The following PCNX4 variants were observed in gnomAD, a reference collection of about 807,000 sequenced individuals.
The protein encoded by PCNX4 is pecanex-like protein 4.
A neutral mutation model predicts 107.2 loss-of-function variants in PCNX4; 103 were observed. The observed-to-expected ratio is 0.96, with a 90% CI of 0.82 to 1.13. The LOEUF is 1.13. PCNX4 is among the 50% of genes most tolerant of loss of function. PCNX4 has a pLI of 0.00. For synonymous variants in PCNX4, 541 were observed against 481.7 expected, an observed-to-expected ratio of 1.12 and a Z score of -1.61; for missense variants, 1,528 against 1,379.4, an observed-to-expected ratio of 1.11 and a Z score of -1.71.
At chr14:60,096,226 T>C (rs1354991362) in intron 1 of PCNX4, among the ~76,000 whole-genome samples, 1 of 152,234 alleles carries the variant, frequency 6.6e-6, no homozygotes, top group Non-Finnish European at 1.5e-5. Flanking sequence ...TCCATTTTTA[T>C]GATGGTGCAG....
At chr14:60,093,734 A>G (rs981583347) in intron 1 of PCNX4, among the ~76,000 whole-genome samples, 5 of 152,142 alleles carry the variant, frequency 3.3e-5, no homozygotes, top group Non-Finnish European at 7.3e-5. Context: ...GTTATATGGT[A>G]ACTCTATGTT....
chr14:60,109,658 C>T (rs962103502), intron 2 of PCNX4: 1 of 165,122 alleles, frequency 6.1e-6, no homozygotes. Flanking sequence ...CCAGGCTGGT[C>T]CCAAAGTCCT....
Position 60,134,385 on chromosome 14 carries a change from C to A in PCNX4, c.*164C>A. On this transcript the variant is annotated 3_prime_UTR_variant, in exon 11 of 11. Coordinates refer to ENST00000406854, the MANE Select transcript of PCNX4 (RefSeq NM_001330177.2). ...GGTTCTCTTAGCCATCTTAATGGTT[C>A]TAAAAAACAGCAAAAACATCTTTAT... is the stretch of plus-strand genomic sequence containing the variant. 1 of 812,512 alleles carries A rather than the reference C, an allele frequency of 1.2e-6. No individual in the cohort carries two copies. Among genetic ancestry groups the A allele is most frequent in the Non-Finnish European group, 1.9e-6 (1 of 530,536 alleles). 50.3% of individuals were successfully genotyped at this position (812,512 alleles called of 1,614,324 possible).
At chr14:60,112,167 AAGAC>A (rs147525535) in intron 2 of PCNX4, among the ~76,000 whole-genome samples, 3,870 of 152,302 alleles carry the variant, frequency 0.025, 118 homozygotes, top group African/African-American at 0.08. Context: ...ATTTTTATCA[AAGAC>A]AGACATTAAA....
rs1896030059 is a variant in PCNX4, at chr14:60,125,139, C to G, written c.2968C>G (p.Pro990Ala). The G allele has an allele frequency of 6.2e-7, 1 of 1,612,732 alleles. No homozygotes were observed. Among genetic ancestry groups the G allele is most frequent in the African/African-American group, 1.3e-5 (1 of 74,874 alleles). The part of the protein sequence containing the change: ...FSLFGIDNMA[P>A]SPGHILRVYG... ...TTTATTTGGAATAGACAATATGGCT[C>G]CTAGTCCTGGTCATATATTGAGAGT... Residue 990 changes from proline to alanine, a missense_variant, in exon 9 of 11, where the codon CCT becomes GCT. Physicochemically the swap from Pro to Ala is conservative, Grantham distance 27 (BLOSUM62 -1). Coordinates refer to ENST00000406854, the MANE Select transcript of PCNX4 (RefSeq NM_001330177.2).
intron 1 of PCNX4, among the ~76,000 whole-genome samples, chr14:60,098,506 C>G (rs1895469174): frequency 1.3e-5 from 2 of 152,286 alleles, no homozygotes; most frequent in South Asian, 4.1e-4. Context: ...TTTTATAGAT[C>G]CAAAGAGATG....
chr14:60,108,793 TGTTAC>T (rs1895680957), intron 2 of PCNX4: 1 of 158,770 alleles, frequency 6.3e-6, no homozygotes, highest in Non-Finnish European at 1.5e-5. Flanking sequence ...AAAACCAACT[TGTTAC>T]AGAAGAAAAG....
intron 1 of PCNX4, among the ~76,000 whole-genome samples, chr14:60,104,724 G>A (rs1895598727): frequency 1.3e-5 from 2 of 152,096 alleles, no homozygotes; most frequent in Admixed American, 1.3e-4. Flanking sequence ...ATCAGGTCTC[G>A]TGAGACTTAT....
In PCNX4 at chr14:60,143,891, G is replaced by A. The variant is rs1369899611; in HGVS notation, c.*9670G>A. The A allele has an allele frequency of 1.3e-5, 2 of 152,198 alleles. No individual in the cohort carries two copies. The highest frequency in any genetic ancestry group is 4.8e-5 in the African/African-American group (2 of 41,448). 9.4% of individuals were successfully genotyped at this position (152,198 alleles called of 1,614,324 possible). A position where few individuals can be genotyped will look rare whatever the true frequency, so the allele number is the denominator to read the frequency against. On this transcript the variant is annotated 3_prime_UTR_variant, in exon 11 of 11. Coordinates refer to ENST00000406854, the MANE Select transcript of PCNX4 (RefSeq NM_001330177.2). ...TGCCTGTGCATGTTTTCTGCTGTAA[G>A]GTGTTAAATGTTAAAGTAAAATTAA...
intron 7 of PCNX4, 34 bp from the exon 8 acceptor site, chr14:60,121,162 T>A: frequency 2.5e-6 from 1 of 396,520 alleles, no homozygotes; most frequent in Non-Finnish European, 3.9e-6. Flanking sequence ...AATGATTTTC[T>A]TTTTTTTTTT....
At chr14:60,126,413 C>T (rs1384064337) in intron 10 of PCNX4, among the ~76,000 whole-genome samples, 1 of 152,170 alleles carries the variant, frequency 6.6e-6, no homozygotes, top group African/African-American at 2.4e-5. Context: ...CAAATGCACT[C>T]CCTAGTGAAA....
Position 60,139,151 on chromosome 14 carries a change from G to A in PCNX4, c.*4930G>A, listed in dbSNP as rs1336897074. 6.6e-6 allele frequency: 1 copy of A among 152,006 alleles called. No individual in the cohort carries two copies. The highest frequency in any genetic ancestry group is 2.4e-5 in the African/African-American group (1 of 41,406). The allele number at this position is 152,006 out of a possible 1,614,324, so 9.4% of individuals were successfully genotyped here. ...GTTACAACATTCATATGAATAGACA[G>A]TGTACCAATTAAATGCAAAGATCAT... On this transcript the variant is annotated 3_prime_UTR_variant, in exon 11 of 11. Transcript: ENST00000406854.
At position 60,145,071 on chromosome 14, in the gene PCNX4, A is replaced by G; in HGVS notation, c.*10850A>G. On this transcript the variant is annotated 3_prime_UTR_variant, in exon 11 of 11. Coordinates refer to ENST00000406854, the MANE Select transcript of PCNX4 (RefSeq NM_001330177.2). This position sits in a 1 kb window ranked among gnomAD's most constrained non-coding sequence, Gnocchi z 4.0. ...CCTACTCCTATTTACTCCAGTTTTT[A>G]ACATTTAAGTCCTTCTGTTTTGAGG... 8.2e-7 allele frequency: 1 copy of G among 1,218,380 alleles called. No homozygotes were observed. Among genetic ancestry groups the G allele is most frequent in the South Asian group, 1.9e-5 (1 of 52,976 alleles). 75.5% of individuals were successfully genotyped at this position (1,218,380 alleles called of 1,614,324 possible).
Position 60,115,983 on chromosome 14 carries a change from G to T in PCNX4, c.1501G>T (p.Val501Leu). Residue 501 changes from valine to leucine, a missense_variant, in exon 6 of 11, where the codon GTA becomes TTA. Transcript: ENST00000406854. ...TENALLETVI[V>L]STVHLISSTD... ...AAATGCTTTATTGGAGACAGTCATTGTATCAACAGTACACTTGATCTCCAG... is the reference window on the plus strand; with the variant it reads ...AAATGCTTTATTGGAGACAGTCATTTTATCAACAGTACACTTGATCTCCAG... The T allele has an allele frequency of 6.2e-7, 1 of 1,612,398 alleles. No individual in the cohort carries two copies. The highest frequency in any genetic ancestry group is 1.3e-5 in the African/African-American group (1 of 75,020).
chr14:60,140,069 G>T lies in PCNX4; in HGVS notation c.*5848G>T, dbSNP rs891068482. 2 of 151,928 alleles carry T rather than the reference G, an allele frequency of 1.3e-5. No homozygotes were observed. Among genetic ancestry groups the T allele is most frequent in the Admixed American group, 6.6e-5 (1 of 15,242 alleles). The allele number at this position is 151,928 out of a possible 1,614,324, so 9.4% of individuals were successfully genotyped here. On this transcript the variant is annotated 3_prime_UTR_variant, in exon 11 of 11. Coordinates refer to ENST00000406854, the MANE Select transcript of PCNX4 (RefSeq NM_001330177.2). This position sits in a 1 kb window ranked among gnomAD's most constrained non-coding sequence, Gnocchi z 4.2. ...AAGAATTAATGGAGTAGAAAATGAA[G>T]ATAAAGTGGATCAACTAAGCCAAAA...
At position 60,106,472 on chromosome 14, in the gene PCNX4, A is replaced by G. The variant is rs74573448; in HGVS notation, c.-53-1114A>G. The stretch of plus-strand genomic sequence containing the variant: ...TGTCTGTGGTTGGTTGAATCCATGA[A>G]TGCAGAACCCACAGACACGGAGGGC... On this transcript the variant is annotated intron_variant, in intron 1 of 10. Coordinates refer to ENST00000406854, the MANE Select transcript of PCNX4 (RefSeq NM_001330177.2). 3.0e-3 allele frequency among the ~76,000 whole-genome samples: 464 copies of G among 152,316 alleles called. 10 individuals are homozygous for G. In the East Asian group the frequency reaches 0.049, roughly 16 times the overall value.
chr14:60,105,811 G>A (rs547097626), intron 1 of PCNX4, among the ~76,000 whole-genome samples: 1 of 152,134 alleles, frequency 6.6e-6, no homozygotes, highest in African/African-American at 2.4e-5. Context: ...ACCCTACCTT[G>A]TTTCCAAGTT....
intron 2 of PCNX4, among the ~76,000 whole-genome samples, chr14:60,112,721 A>G (rs558117243): frequency 3.5e-4 from 54 of 152,278 alleles, no homozygotes; most frequent in South Asian, 1.2e-3. Flanking sequence ...ACCAATCTAC[A>G]TGTTTTCCTT....
Position 60,121,317 on chromosome 14 carries a change from A to G in PCNX4, c.2046+18A>G, listed in dbSNP as rs1383213939. On this transcript the variant is annotated intron_variant, in intron 8 of 10. Coordinates refer to ENST00000406854, the MANE Select transcript of PCNX4 (RefSeq NM_001330177.2). ...ACATTAAGGTCAGTGTGCATATAAA[A>G]CATCTGTAGTATTTTTATAGTTCAT... The G allele has an allele frequency of 6.3e-7, 1 of 1,599,708 alleles. No homozygotes were observed. The highest frequency in any genetic ancestry group is 1.8e-5 in the Admixed American group (1 of 56,876).
Sources: gnomAD v4.1 joint callset for allele counts (sites outside exome capture counted in the v4.1 genomes callset) on GRCh38, gnomAD v4.1.1 for gene constraint, Gnocchi (gnomAD v3.1) non-coding constraint, MANE v1.5 for transcripts, NCBI Gene and HGNC (gene_info 2026-07-23, HGNC 2026-07-21) for gene names.